The following ROBO1 variants were observed in gnomAD, a reference collection of about 807,000 sequenced individuals.
The protein encoded by ROBO1 is roundabout homolog 1.
Under a neutral mutation model 195.9 loss-of-function variants are expected in ROBO1, and 149 were observed. That is an observed-to-expected ratio of 0.76 (90% CI 0.67 to 0.87). The LOEUF is 0.87. Ranked by LOEUF, ROBO1 falls within the 40% of genes least tolerant of loss-of-function variation. ROBO1 has a pLI of 0.00. For synonymous variants in ROBO1, 816 were observed against 733.2 expected, an observed-to-expected ratio of 1.11 and a Z score of -1.82; for missense variants, 1,933 against 2,068.3, an observed-to-expected ratio of 0.93 and a Z score of 1.27.
intron 2 of ROBO1, among the ~76,000 whole-genome samples, chr3:79,226,860 T>C (rs943179831): frequency 3.9e-5 from 6 of 152,094 alleles, no homozygotes; most frequent in African/African-American, 1.4e-4. Context: ...TTTCTGTTCC[T>C]TTACTCACAA....
At chr3:79,117,643 T>A (rs1041754648) in intron 3 of ROBO1, among the ~76,000 whole-genome samples, 15 of 152,190 alleles carry the variant, frequency 9.9e-5, no homozygotes, top group African/African-American at 3.6e-4. Context: ...CCTACTGTAA[T>A]ACCCACGTAT....
chr3:79,479,626 C>G (rs1021661749), intron 2 of ROBO1, among the ~76,000 whole-genome samples: 1 of 152,082 alleles, frequency 6.6e-6, no homozygotes, highest in Non-Finnish European at 1.5e-5. Context: ...TGGAAAGTTA[C>G]CTTACCATGA....
chr3:79,145,059 T>C (rs1439204033), intron 2 of ROBO1, among the ~76,000 whole-genome samples: 3 of 151,946 alleles, frequency 2.0e-5, no homozygotes, highest in Admixed American at 6.6e-5. Flanking sequence ...TTATATACCT[T>C]CAAATCTTTT....
At chr3:79,527,626 G>C (rs1236766072) in intron 2 of ROBO1, among the ~76,000 whole-genome samples, 1 of 151,986 alleles carries the variant, frequency 6.6e-6, no homozygotes, top group Non-Finnish European at 1.5e-5. Context: ...AAAAAATCAG[G>C]TTTACTGTAA....
At chr3:79,436,775 G>C (rs2038903615) in intron 2 of ROBO1, among the ~76,000 whole-genome samples, 1 of 152,042 alleles carries the variant, frequency 6.6e-6, no homozygotes, top group African/African-American at 2.4e-5. Flanking sequence ...ACTTCAGGCT[G>C]AGCTTCCTCA....
chr3:79,503,593 C>T (rs1457412572), intron 2 of ROBO1, among the ~76,000 whole-genome samples: 1 of 152,160 alleles, frequency 6.6e-6, no homozygotes, highest in Non-Finnish European at 1.5e-5. Context: ...CAAAACCACA[C>T]AGCTCCTGTG....
chr3:78,760,380 T>C (rs1172411534), intron 4 of ROBO1, among the ~76,000 whole-genome samples: 2 of 152,120 alleles, frequency 1.3e-5, no homozygotes, highest in African/African-American at 4.8e-5. Flanking sequence ...ATAAAATTCA[T>C]TCCTCACTGG....
At chr3:79,257,795 C>T (rs2082865401) in intron 2 of ROBO1, among the ~76,000 whole-genome samples, 1 of 152,040 alleles carries the variant, frequency 6.6e-6, no homozygotes, top group Non-Finnish European at 1.5e-5. Context: ...CACCATAATA[C>T]ACTCGAATGT....
chr3:79,468,470 A>G (rs1938090987), intron 2 of ROBO1, among the ~76,000 whole-genome samples: 1 of 152,190 alleles, frequency 6.6e-6, no homozygotes. Flanking sequence ...ACTATGCCCT[A>G]TATTTCATAG....
intron 30 of ROBO1, among the ~76,000 whole-genome samples, chr3:78,599,502 T>G (rs1177493866): frequency 6.6e-6 from 1 of 152,182 alleles, no homozygotes; most frequent in East Asian, 1.9e-4. Flanking sequence ...TTTAACTATA[T>G]TTATTAAAAA....
intron 4 of ROBO1, among the ~76,000 whole-genome samples, chr3:78,909,504 C>T (rs1447009919): frequency 1.3e-5 from 2 of 151,794 alleles, no homozygotes; most frequent in South Asian, 2.1e-4. Flanking sequence ...ACATTAAACT[C>T]GATGACGTGT....
chr3:79,485,746 A>G (rs1242124484), intron 2 of ROBO1, among the ~76,000 whole-genome samples: 1 of 152,180 alleles, frequency 6.6e-6, no homozygotes, highest in East Asian at 1.9e-4. Flanking sequence ...CATATTGTCA[A>G]CCGCAGACAC....
At chr3:79,752,823 A>T (rs1479499584) in intron 1 of ROBO1, among the ~76,000 whole-genome samples, 1 of 152,174 alleles carries the variant, frequency 6.6e-6, no homozygotes, top group Non-Finnish European at 1.5e-5. Flanking sequence ...GATAAAGAAT[A>T]TTAGAAAGAA....
At chr3:79,751,966 T>C (rs1321474877) in intron 1 of ROBO1, among the ~76,000 whole-genome samples, 1 of 152,138 alleles carries the variant, frequency 6.6e-6, no homozygotes, top group Non-Finnish European at 1.5e-5. Flanking sequence ...GTTAAGAATG[T>C]AATTATCACC....
At chr3:78,713,161 C>G (rs112946285) in intron 8 of ROBO1, among the ~76,000 whole-genome samples, 5,280 of 152,182 alleles carry the variant, frequency 0.035, 170 homozygotes, top group Middle Eastern at 0.054. Context: ...CTTAGAAACT[C>G]AATGTTTGTT....
chr3:78,612,989 A>C (rs1483613253), intron 28 of ROBO1, among the ~76,000 whole-genome samples: 1 of 152,202 alleles, frequency 6.6e-6, no homozygotes, highest in African/African-American at 2.4e-5. Flanking sequence ...AATAGTTATT[A>C]TTCAGGGATT....
At chr3:78,825,966 A>G (rs1185541186) in intron 4 of ROBO1, among the ~76,000 whole-genome samples, 1 of 152,218 alleles carries the variant, frequency 6.6e-6, no homozygotes, top group Admixed American at 6.5e-5. Flanking sequence ...AACATTCTAC[A>G]TTCAAAACAT....
intron 17 of ROBO1, 26 bp downstream of exon 17, chr3:78,659,660 A>AACATAT: frequency 7.4e-7 from 1 of 1,346,180 alleles, no homozygotes; most frequent in Non-Finnish European, 9.7e-7. Context: ...TCAGGACATT[A>AACATAT]ATATATATAT....
chr3:79,340,028 G>A (rs1040151117), intron 2 of ROBO1, among the ~76,000 whole-genome samples: 13 of 152,122 alleles, frequency 8.5e-5, no homozygotes, highest in African/African-American at 2.7e-4. Context: ...TTCCCTGTAT[G>A]TTGGCCCCAC....
Sources: gnomAD v4.1 joint callset for allele counts (sites outside exome capture counted in the v4.1 genomes callset) on GRCh38, gnomAD v4.1.1 for gene constraint, MANE v1.5 for transcripts, NCBI Gene and HGNC (gene_info 2026-07-23, HGNC 2026-07-21) for gene names.